The following PID1 variants were observed in gnomAD, a reference collection of about 807,000 sequenced individuals.
PID1 encodes PTB-containing, cubilin and LRP1-interacting protein.
In PID1, 10 loss-of-function variants were observed where a neutral mutation model predicts 19.1. The observed-to-expected ratio is 0.52, with a 90% confidence interval of 0.32 to 0.89. The LOEUF is 0.89. Ranked by LOEUF, PID1 falls within the 40% of genes least tolerant of loss-of-function variation. The pLI, the probability that PID1 is intolerant of heterozygous loss-of-function variation, is 0.03. For missense variants in PID1, 248 were observed against 285.3 expected (o/e 0.87, Z 0.94); for synonymous variants, 130 against 116.0 (o/e 1.12, Z -0.78).
intron 1 of PID1, among the ~76,000 whole-genome samples, chr2:229,169,012 T>A (rs1559266647): frequency 6.6e-6 from 1 of 152,128 alleles, no homozygotes; most frequent in Admixed American, 6.5e-5. Context: ...TTCTTTGTAC[T>A]CCTGAGGCTA....
intron 2 of PID1, among the ~76,000 whole-genome samples, chr2:229,051,141 G>T (rs1430106890): frequency 6.6e-6 from 1 of 152,106 alleles, no homozygotes; most frequent in Non-Finnish European, 1.5e-5. Context: ...ACTATTTCAG[G>T]TGTGAAGCCC....
intron 2 of PID1, among the ~76,000 whole-genome samples, chr2:229,065,242 T>C (rs934963968): frequency 2.6e-5 from 4 of 152,166 alleles, no homozygotes; most frequent in Admixed American, 1.3e-4. Context: ...CAGGATTCTA[T>C]AGCTGCCTTC....
At chr2:229,032,048 AAATT>A (rs1194292040) in intron 2 of PID1, among the ~76,000 whole-genome samples, 3 of 152,218 alleles carry the variant, frequency 2.0e-5, no homozygotes, top group African/African-American at 4.8e-5. Context: ...AAACTTAAAA[AAATT>A]AATTGTCTCA....
chr2:229,231,961 G>C, intron 1 of PID1: 1 of 1,550,464 alleles, frequency 6.4e-7, no homozygotes, highest in Non-Finnish European at 8.7e-7. Flanking sequence ...ATCAAGGTGC[G>C]GGCTTGTTTG....
At chr2:229,253,192 C>T (rs898448890) in intron 1 of PID1, among the ~76,000 whole-genome samples, 4 of 152,206 alleles carry the variant, frequency 2.6e-5, no homozygotes, top group Non-Finnish European at 5.9e-5. Flanking sequence ...AAGGCCATGT[C>T]TTCTTTGACT....
intron 1 of PID1, among the ~76,000 whole-genome samples, chr2:229,265,531 TC>T (rs2106295176): frequency 6.6e-6 from 1 of 152,320 alleles, no homozygotes; most frequent in Admixed American, 6.5e-5. Flanking sequence ...GTAGACTAAT[TC>T]CACTAGACTT....
chr2:229,253,005 G>C (rs144680807), intron 1 of PID1, among the ~76,000 whole-genome samples: 1 of 152,176 alleles, frequency 6.6e-6, no homozygotes, highest in Non-Finnish European at 1.5e-5. Flanking sequence ...TAGCAAAGCA[G>C]GTCTTGAAAA....
intron 1 of PID1, among the ~76,000 whole-genome samples, chr2:229,204,532 T>C (rs1244562071): frequency 2.0e-5 from 3 of 152,120 alleles, no homozygotes; most frequent in Non-Finnish European, 4.4e-5. Context: ...TGCAAGGCCA[T>C]CTGTGCCCAC....
intron 1 of PID1, among the ~76,000 whole-genome samples, chr2:229,263,364 T>C (rs1220195098): frequency 3.3e-5 from 5 of 152,172 alleles, no homozygotes; most frequent in Non-Finnish European, 7.3e-5. Context: ...ATCACATCTA[T>C]GCTCAGGACA....
At chr2:229,216,537 T>C (rs1030521599) in intron 1 of PID1, among the ~76,000 whole-genome samples, 1 of 152,170 alleles carries the variant, frequency 6.6e-6, no homozygotes, top group Non-Finnish European at 1.5e-5. Context: ...ATGGAGATGC[T>C]ACAAATTAGA....
intron 2 of PID1, among the ~76,000 whole-genome samples, chr2:229,094,121 A>C (rs566992708): frequency 1.3e-5 from 2 of 152,320 alleles, no homozygotes; most frequent in East Asian, 3.9e-4. Context: ...ACTGCACACA[A>C]ATCAGTAGCA....
At chr2:229,107,609 A>G (rs765091893) in intron 2 of PID1, among the ~76,000 whole-genome samples, 2 of 152,172 alleles carry the variant, frequency 1.3e-5, no homozygotes, top group African/African-American at 2.4e-5. Context: ...TCAAAAGCCT[A>G]GACAGACAAC....
intron 1 of PID1, among the ~76,000 whole-genome samples, chr2:229,210,931 T>C (rs1287323543): frequency 1.3e-5 from 2 of 152,230 alleles, no homozygotes; most frequent in African/African-American, 2.4e-5. Flanking sequence ...TAATTAAGTA[T>C]ACTTTAATTA....
intron 2 of PID1, among the ~76,000 whole-genome samples, chr2:229,142,424 G>A (rs62190383): frequency 0.22 from 32,913 of 151,866 alleles, 3,999 homozygotes; most frequent in South Asian, 0.48. Flanking sequence ...TGATCATAAT[G>A]GAAAACATTC....
rs557523448 is a variant in PID1, at chr2:229,186,100, C to T, written c.31-30136G>A. On this transcript the variant is annotated intron_variant, in intron 1 of 2. Coordinates refer to ENST00000392055, the MANE Select transcript of PID1 (RefSeq NM_001100818.2). ...TGCCCCATGCAAGTCTGAAATCCAG[C>T]AGGGTAGTCAAATCTTAAAGCTCCA... Among the ~76,000 whole-genome samples the T allele has an allele frequency of 6.6e-5, 10 of 152,300 alleles. No homozygotes were observed. The East Asian group carries it at 1.5e-3, about 23-fold the overall frequency.
At chr2:229,145,109 A>G (rs1452852681) in intron 2 of PID1, among the ~76,000 whole-genome samples, 31 of 149,020 alleles carry the variant, frequency 2.1e-4, no homozygotes, top group Non-Finnish European at 2.7e-4. Context: ...TAGAACATTG[A>G]AAATAAGAAT....
intron 1 of PID1, among the ~76,000 whole-genome samples, chr2:229,161,894 G>T (rs531536875): frequency 6.6e-6 from 1 of 152,204 alleles, no homozygotes; most frequent in Middle Eastern, 3.4e-3. Flanking sequence ...TGTTATATTA[G>T]CCATGTCAAA....
chr2:229,248,855 C>A (rs755495536), intron 1 of PID1, among the ~76,000 whole-genome samples: 5 of 152,118 alleles, frequency 3.3e-5, no homozygotes, highest in Non-Finnish European at 7.4e-5. Flanking sequence ...CCTTCTGTGT[C>A]ATGTTGAAAT....
chr2:229,164,735 C>CA (rs1198270380), intron 1 of PID1, among the ~76,000 whole-genome samples: 1 of 152,132 alleles, frequency 6.6e-6, no homozygotes, highest in Non-Finnish European at 1.5e-5. Context: ...GTAAGATGTA[C>CA]ACCTGCCCAG....
Sources: gnomAD v4.1 joint callset for allele counts (sites outside exome capture counted in the v4.1 genomes callset) on GRCh38, gnomAD v4.1.1 for gene constraint, MANE v1.5 for transcripts, NCBI Gene and HGNC (gene_info 2026-07-23, HGNC 2026-07-21) for gene names.